Variants in ENOPH1 observed in about 807,000 individuals in gnomAD.
ENOPH1 encodes the protein enolase-phosphatase 1, also known as enolase-phosphatase E1.
Under a neutral mutation model 31.1 loss-of-function variants are expected in ENOPH1, and 14 were observed. The ratio of observed to expected loss-of-function variants is 0.45; its 90% CI spans 0.30 to 0.70. ENOPH1 has a LOEUF of 0.70. Ranked by LOEUF, ENOPH1 falls within the 30% of genes least tolerant of loss-of-function variation. ENOPH1 has a pLI of 0.09. For missense variants in ENOPH1, 243 were observed against 321.5 expected (o/e 0.76, Z 1.87); for synonymous variants, 127 against 123.2 (o/e 1.03, Z -0.21).
chr4:82,442,068 T>G (rs1722055358), intron 1 of ENOPH1, among the ~76,000 whole-genome samples: 1 of 152,264 alleles, frequency 6.6e-6, no homozygotes, highest in South Asian at 2.1e-4. Flanking sequence ...GAAGTCACAG[T>G]GTAGTCATTC....
chr4:82,459,764 G>A (rs936975177), intron 5 of ENOPH1, among the ~76,000 whole-genome samples: 6 of 152,022 alleles, frequency 3.9e-5, no homozygotes, highest in African/African-American at 7.2e-5. Flanking sequence ...GTACAGTTAC[G>A]TATTTTTTAA....
intron 1 of ENOPH1, among the ~76,000 whole-genome samples, chr4:82,431,972 G>T (rs1452898256): frequency 1.3e-5 from 2 of 151,258 alleles, no homozygotes; most frequent in Non-Finnish European, 2.9e-5. Flanking sequence ...GTGGAGTGGA[G>T]TGGTGCAATC....
intron 3 of ENOPH1, among the ~76,000 whole-genome samples, chr4:82,453,563 T>G (rs144698208): frequency 6.6e-6 from 1 of 152,360 alleles, no homozygotes; most frequent in African/African-American, 2.4e-5. Context: ...AATAACATAC[T>G]TACATGTGTA....
At chr4:82,459,478 A>G (rs1004352468) in intron 5 of ENOPH1, among the ~76,000 whole-genome samples, 9 of 152,004 alleles carry the variant, frequency 5.9e-5, no homozygotes, top group African/African-American at 1.9e-4. Context: ...TGTTTTGTAG[A>G]GATAGAGTTT....
chr4:82,453,862 C>T, intron 3 of ENOPH1, among the ~76,000 whole-genome samples: 1 of 152,102 alleles, frequency 6.6e-6, no homozygotes. Flanking sequence ...TCTCAACTGA[C>T]TTGTTATGTA....
chr4:82,435,084 C>T (rs1433818567), intron 1 of ENOPH1, among the ~76,000 whole-genome samples: 5 of 152,074 alleles, frequency 3.3e-5, no homozygotes, highest in African/African-American at 4.8e-5. Flanking sequence ...AGGACACATA[C>T]CTCTGGTGTT....
At chr4:82,432,770 G>C (rs1721806144) in intron 1 of ENOPH1, among the ~76,000 whole-genome samples, 1 of 152,126 alleles carries the variant, frequency 6.6e-6, no homozygotes, top group African/African-American at 2.4e-5. Flanking sequence ...CTTCCGAGTA[G>C]CTGAGATTAC....
intron 1 of ENOPH1, among the ~76,000 whole-genome samples, chr4:82,431,222 G>GCCACCCGGCAGGTGT (rs1327607596): frequency 6.6e-6 from 1 of 152,216 alleles, no homozygotes; most frequent in Admixed American, 6.5e-5. Context: ...TGCGGGCCTC[G>GCCACCCGGCAGGTGT]CCACCCGGCA....
At chr4:82,431,016 C>A in intron 1 of ENOPH1, 103 bp downstream of exon 1, 3 of 918,232 alleles carry the variant, frequency 3.3e-6, no homozygotes, top group African/African-American at 2.3e-5. Flanking sequence ...TTAGGAGAGG[C>A]GGTGTGGCTG....
chr4:82,454,728 T>G lies in ENOPH1; in HGVS notation c.396T>G (p.Phe132Leu). ...FTAGRMKAEF[F>L]ADVVPAVRKW... ...TTAGTGGTCTTCCCTCTAGGTTCTT[T>G]GCAGATGTAGTTCCAGCAGTCAGGA... Residue 132 changes from phenylalanine to leucine, a missense_variant, in exon 4 of 6, where the codon TTT (phenylalanine) becomes TTG (leucine). By Grantham distance (22) the Phe-to-Leu change is conservative. Transcript: ENST00000273920. 6.2e-7 allele frequency: 1 copy of G among 1,613,022 alleles called. No individual in the cohort carries two copies. The highest frequency in any genetic ancestry group is 1.6e-4 in the Middle Eastern group (1 of 6,062).
Position 82,451,122 on chromosome 4 carries a change from T to C in ENOPH1, c.266T>C (p.Met89Thr). 3.7e-6 allele frequency: 6 copies of C among 1,614,230 alleles called. No individual in the cohort carries two copies. The highest frequency in any genetic ancestry group is 1.1e-5 in the South Asian group (1 of 91,086). The part of the protein sequence containing the change: ...SGNGVDDLQQ[M>T]IQAVVDNVCW... ...AATGGAGTGGATGATCTGCAACAGA[T>C]GATCCAGGCCGTGGTAGATAATGTG... is the stretch of plus-strand genomic sequence containing the variant. The change falls in exon 3 of 6, where the codon ATG (methionine) becomes ACG (threonine). Residue 89 changes from methionine (M) to threonine (T), a missense_variant. Coordinates refer to ENST00000273920, the MANE Select transcript of ENOPH1 (RefSeq NM_021204.5).
At chr4:82,454,948 T>C in intron 4 of ENOPH1, 94 bp downstream of exon 4, 1 of 1,224,386 alleles carries the variant, frequency 8.2e-7, no homozygotes, top group Non-Finnish European at 1.1e-6. Context: ...TAGAATGCTT[T>C]TTTTTTTTTG....
chr4:82,453,676 T>C, intron 3 of ENOPH1, among the ~76,000 whole-genome samples: 1 of 152,236 alleles, frequency 6.6e-6, no homozygotes, highest in Non-Finnish European at 1.5e-5. Flanking sequence ...CCAGGTAATC[T>C]TTTAGAGATG....
At chr4:82,437,602 C>T (rs963298151) in intron 1 of ENOPH1, among the ~76,000 whole-genome samples, 1 of 152,214 alleles carries the variant, frequency 6.6e-6, no homozygotes, top group African/African-American at 2.4e-5. Flanking sequence ...AGAGCTACCT[C>T]TTCTTGTAAA....
intron 2 of ENOPH1, among the ~76,000 whole-genome samples, chr4:82,450,546 C>T (rs1394675800): frequency 2.0e-5 from 3 of 152,204 alleles, no homozygotes. Context: ...GGTCATTGTT[C>T]TAAGTGGCTA....
At chr4:82,442,141 T>G (rs1722056576) in intron 1 of ENOPH1, among the ~76,000 whole-genome samples, 1 of 152,260 alleles carries the variant, frequency 6.6e-6, no homozygotes. Context: ...TAGCTCTTCT[T>G]GTCCATTGCA....
intron 1 of ENOPH1, among the ~76,000 whole-genome samples, chr4:82,437,466 T>C (rs970614371): frequency 1.8e-4 from 28 of 152,222 alleles, no homozygotes; most frequent in Non-Finnish European, 2.9e-5. Context: ...AATCATGCCC[T>C]TTCTTGCTGC....
In ENOPH1 at chr4:82,459,963, T is replaced by TC. The variant is rs1161236923; in HGVS notation, c.647-16dup. On this transcript the variant is annotated splice_polypyrimidine_tract_variant and intron_variant, in intron 5 of 5. Coordinates refer to ENST00000273920, the MANE Select transcript of ENOPH1 (RefSeq NM_021204.5). ...TTTTGGTGTTTCTGACACACACACA[T>TC]CCTTTGATTTTTCACAGAGGCCAGT... 3.1e-6 allele frequency: 5 copies of TC among 1,613,024 alleles called. No homozygotes were observed. Among genetic ancestry groups the TC allele is most frequent in the Non-Finnish European group, 3.4e-6 (4 of 1,179,864 alleles).
chr4:82,453,202 G>A (rs1184883024), intron 3 of ENOPH1, among the ~76,000 whole-genome samples: 1 of 152,168 alleles, frequency 6.6e-6, no homozygotes, highest in Non-Finnish European at 1.5e-5. Context: ...GCACCTGGGT[G>A]TGAAATTCTT....
Sources: gnomAD v4.1 joint callset for allele counts (sites outside exome capture counted in the v4.1 genomes callset) on GRCh38, gnomAD v4.1.1 for gene constraint, MANE v1.5 for transcripts, NCBI Gene and HGNC (gene_info 2026-07-23, HGNC 2026-07-21) for gene names.